KCNB2: variants seen among roughly 807,000 people sequenced by gnomAD.
KCNB2 encodes the protein delayed rectifier potassium channel protein.
In KCNB2, 15 loss-of-function variants were observed where a neutral mutation model predicts 61.5. The observed-to-expected ratio is 0.24, with a 90% CI of 0.16 to 0.38. The LOEUF is 0.38. KCNB2 is among the 10% of genes least tolerant of loss of function. KCNB2 has a pLI of 1.00. For synonymous variants in KCNB2, 457 were observed against 446.0 expected, an observed-to-expected ratio of 1.02 and a Z score of -0.31; for missense variants, 828 against 1,125.2, an observed-to-expected ratio of 0.74 and a Z score of 3.78.
chr8:72,683,113 G>A (rs1053406368), intron 2 of KCNB2, among the ~76,000 whole-genome samples: 1 of 152,164 alleles, frequency 6.6e-6, no homozygotes, highest in African/African-American at 2.4e-5. Flanking sequence ...GTTTATCCTG[G>A]CATAATGAAA....
chr8:72,696,445 A>T (rs922616039), intron 2 of KCNB2, among the ~76,000 whole-genome samples: 2 of 152,132 alleles, frequency 1.3e-5, no homozygotes, highest in Admixed American at 6.6e-5. Flanking sequence ...TATAACTCCC[A>T]TTATGTATAT....
chr8:72,744,094 T>C (rs1563577380), intron 2 of KCNB2, among the ~76,000 whole-genome samples: 1 of 152,194 alleles, frequency 6.6e-6, no homozygotes, highest in Non-Finnish European at 1.5e-5. Context: ...TTATCTATTT[T>C]GTTGAGACGG....
intron 2 of KCNB2, among the ~76,000 whole-genome samples, chr8:72,783,000 G>A (rs1808788050): frequency 1.3e-5 from 2 of 152,106 alleles, no homozygotes; most frequent in Admixed American, 6.6e-5. Flanking sequence ...AGAGTTGTAA[G>A]TAACTTTAAA....
intron 2 of KCNB2, among the ~76,000 whole-genome samples, chr8:72,913,766 G>A (rs922218841): frequency 2.0e-5 from 3 of 152,176 alleles, no homozygotes; most frequent in Non-Finnish European, 4.4e-5. Context: ...TCAGATGTTC[G>A]TATCTCTTCT....
At chr8:72,595,347 A>C (rs1807172075) in intron 2 of KCNB2, among the ~76,000 whole-genome samples, 1 of 146,982 alleles carries the variant, frequency 6.8e-6, no homozygotes, top group Non-Finnish European at 1.5e-5. Flanking sequence ...TTTTTTTAAG[A>C]CAGAGTCTCA....
At chr8:72,713,201 G>A (rs1009318365) in intron 2 of KCNB2, among the ~76,000 whole-genome samples, 6 of 152,234 alleles carry the variant, frequency 3.9e-5, no homozygotes, top group Non-Finnish European at 7.3e-5. Flanking sequence ...GATCAAGGAG[G>A]CCTGCTTGCC....
intron 2 of KCNB2, among the ~76,000 whole-genome samples, chr8:72,725,717 G>T (rs2128993106): frequency 6.7e-6 from 1 of 150,276 alleles, no homozygotes; most frequent in African/African-American, 2.4e-5. Context: ...TCCAGCCCCG[G>T]TCCTTCTGCC....
chr8:72,628,647 C>T (rs1416005152), intron 2 of KCNB2, among the ~76,000 whole-genome samples: 1 of 152,192 alleles, frequency 6.6e-6, no homozygotes, highest in Non-Finnish European at 1.5e-5. Flanking sequence ...AGAACTTACG[C>T]TGATAAACAT....
chr8:72,615,024 A>C (rs1355597635), intron 2 of KCNB2, among the ~76,000 whole-genome samples: 1 of 152,180 alleles, frequency 6.6e-6, no homozygotes, highest in Non-Finnish European at 1.5e-5. Flanking sequence ...CACCATGAGG[A>C]GAGCCAAACC....
intron 2 of KCNB2, among the ~76,000 whole-genome samples, chr8:72,883,198 C>G (rs567077931): frequency 6.6e-6 from 1 of 152,164 alleles, no homozygotes; most frequent in Non-Finnish European, 1.5e-5. Context: ...TTCTTTATCT[C>G]AGAACATCAG....
At chr8:72,909,024 A>G (rs1046286288) in intron 2 of KCNB2, among the ~76,000 whole-genome samples, 1 of 152,186 alleles carries the variant, frequency 6.6e-6, no homozygotes, top group African/African-American at 2.4e-5. Context: ...ACAGTCAACA[A>G]TATTTATTAA....
At chr8:72,782,930 A>G (rs1343482995) in intron 2 of KCNB2, among the ~76,000 whole-genome samples, 1 of 152,168 alleles carries the variant, frequency 6.6e-6, no homozygotes, top group Non-Finnish European at 1.5e-5. Context: ...TTACCATTAT[A>G]ATATAAGAGA....
intron 2 of KCNB2, among the ~76,000 whole-genome samples, chr8:72,782,553 T>C (rs2128998030): frequency 6.6e-6 from 1 of 152,280 alleles, no homozygotes; most frequent in South Asian, 2.1e-4. Context: ...TATTGCTTCA[T>C]TTTGATTATT....
chr8:72,805,125 A>G (rs1809197206), intron 2 of KCNB2, among the ~76,000 whole-genome samples: 1 of 152,206 alleles, frequency 6.6e-6, no homozygotes, highest in Non-Finnish European at 1.5e-5. Flanking sequence ...TCTGAGGATC[A>G]TGTGCGTTCA....
chr8:72,539,480 C>T (rs548457790), intron 1 of KCNB2, among the ~76,000 whole-genome samples: 19 of 152,182 alleles, frequency 1.2e-4, no homozygotes, highest in African/African-American at 4.3e-4. Flanking sequence ...TATAATGTAC[C>T]CTTCTTCCTT....
chr8:72,571,169 T>C (rs1806702416), intron 2 of KCNB2, among the ~76,000 whole-genome samples: 1 of 152,244 alleles, frequency 6.6e-6, no homozygotes, highest in East Asian at 1.9e-4. Context: ...TATTCTTTGA[T>C]ACGAAATAAA....
At chr8:72,854,313 G>A (rs910129590) in intron 2 of KCNB2, among the ~76,000 whole-genome samples, 1 of 152,034 alleles carries the variant, frequency 6.6e-6, no homozygotes, top group African/African-American at 2.4e-5. Flanking sequence ...TAATACACAG[G>A]TATCAGTTAT....
intron 2 of KCNB2, among the ~76,000 whole-genome samples, chr8:72,631,777 C>T (rs969664891): frequency 6.6e-6 from 1 of 152,134 alleles, no homozygotes; most frequent in Admixed American, 6.5e-5. Flanking sequence ...AACAGGTATT[C>T]CTACTGAGTT....
chr8:72,691,410 C>A (rs575927454), intron 2 of KCNB2, among the ~76,000 whole-genome samples: 3 of 152,182 alleles, frequency 2.0e-5, no homozygotes, highest in Non-Finnish European at 2.9e-5. Context: ...AAAACTCCTT[C>A]CAGCTGATAC....
Sources: allele counts gnomAD v4.1 joint callset (sites outside exome capture counted in the v4.1 genomes callset), GRCh38; gene constraint gnomAD v4.1.1; transcripts MANE v1.5; gene names NCBI Gene and HGNC (gene_info 2026-07-23, HGNC 2026-07-21).